KCNT2: variants seen among roughly 807,000 people sequenced by gnomAD.
KCNT2 encodes the protein potassium channel subfamily T member 2.
A neutral mutation model predicts 153.8 loss-of-function variants in KCNT2; 67 were observed. That is an observed-to-expected ratio of 0.44 (90% confidence interval 0.36 to 0.53). KCNT2 has a LOEUF of 0.53. Ranked by LOEUF, KCNT2 falls within the 20% of genes least tolerant of loss-of-function variation. The pLI is 0.00. For missense variants in KCNT2, 975 were observed against 1,354.8 expected, an observed-to-expected ratio of 0.72 and a Z score of 4.40; for synonymous variants, 500 against 458.8, an observed-to-expected ratio of 1.09 and a Z score of -1.15.
At chr1:196,468,674 T>TA (rs1446769134) in intron 6 of KCNT2, among the ~76,000 whole-genome samples, 9 of 151,990 alleles carry the variant, frequency 5.9e-5, no homozygotes, top group East Asian at 5.8e-4. Flanking sequence ...CTTATTTTTT[T>TA]AAAAAAAATC....
At chr1:196,560,842 T>C (rs1385467475) in intron 1 of KCNT2, among the ~76,000 whole-genome samples, 1 of 151,950 alleles carries the variant, frequency 6.6e-6, no homozygotes, top group Non-Finnish European at 1.5e-5. Flanking sequence ...TTATATAAAG[T>C]CCCGTACCTA....
At chr1:196,447,291 T>G (rs1252545429) in intron 8 of KCNT2, among the ~76,000 whole-genome samples, 1 of 151,666 alleles carries the variant, frequency 6.6e-6, no homozygotes, top group African/African-American at 2.4e-5. Context: ...TTTAAGACCC[T>G]GAACTGAGTT....
At chr1:196,266,023 A>C (rs1481493686) in intron 25 of KCNT2, among the ~76,000 whole-genome samples, 1 of 152,186 alleles carries the variant, frequency 6.6e-6, no homozygotes, top group African/African-American at 2.4e-5. Context: ...CCAACAACAA[A>C]AACAAAACTG....
At position 196,427,276 on chromosome 1, in the gene KCNT2, A is replaced by T. The variant is rs1372027313; in HGVS notation, c.984+829T>A. ...TTCTATCATTTAAGAATCAATTATA[A>T]ATTAGGTGTTTTAAAACACAAAAAT... is the stretch of plus-strand genomic sequence containing the variant. On this transcript the variant is annotated intron_variant, in intron 10 of 27. Coordinates refer to ENST00000294725, the MANE Select transcript of KCNT2 (RefSeq NM_198503.5). 2.0e-5 allele frequency among the ~76,000 whole-genome samples: 3 copies of T among 152,078 alleles called. No homozygotes were observed. The East Asian group carries it at 5.8e-4, about 29-fold the overall frequency.
At chr1:196,340,030 T>A (rs1665464279) in intron 16 of KCNT2, among the ~76,000 whole-genome samples, 1 of 152,078 alleles carries the variant, frequency 6.6e-6, no homozygotes. Context: ...ATTGAGGTTT[T>A]TTTGGACACA....
At chr1:196,401,963 G>C (rs1421512693) in intron 12 of KCNT2, among the ~76,000 whole-genome samples, 1 of 151,180 alleles carries the variant, frequency 6.6e-6, no homozygotes, top group Non-Finnish European at 1.5e-5. Context: ...ATATGGCCAA[G>C]GACTCTCATC....
chr1:196,377,709 C>G (rs1181934500), intron 13 of KCNT2, among the ~76,000 whole-genome samples: 1 of 151,828 alleles, frequency 6.6e-6, no homozygotes, highest in South Asian at 2.1e-4. Context: ...TGCTTGTGAT[C>G]AAAAATCTAA....
chr1:196,342,034 C>T (rs750010870), intron 15 of KCNT2, 45 bp downstream of exon 15: 5 of 1,580,686 alleles, frequency 3.2e-6, no homozygotes, highest in Non-Finnish European at 8.6e-7. Flanking sequence ...ACATGATATG[C>T]TTGACTGATT....
At chr1:196,516,101 A>T (rs1461848370) in intron 1 of KCNT2, among the ~76,000 whole-genome samples, 1 of 152,168 alleles carries the variant, frequency 6.6e-6, no homozygotes, top group Admixed American at 6.5e-5. Context: ...GAAAGGAGCT[A>T]AATCCAGGGG....
intron 1 of KCNT2, among the ~76,000 whole-genome samples, chr1:196,554,646 G>A (rs936437325): frequency 6.6e-6 from 1 of 151,172 alleles, no homozygotes; most frequent in South Asian, 2.1e-4. Context: ...TACAAGACCA[G>A]TATTGCCCTG....
At chr1:196,295,948 G>A (rs79955221) in intron 22 of KCNT2, among the ~76,000 whole-genome samples, 3,080 of 151,930 alleles carry the variant, frequency 0.02, 103 homozygotes, top group African/African-American at 0.07. Flanking sequence ...AGATTAACAG[G>A]AGTGCATATG....
intron 26 of KCNT2, among the ~76,000 whole-genome samples, chr1:196,253,787 C>T (rs1327146271): frequency 6.6e-6 from 1 of 151,444 alleles, no homozygotes; most frequent in Non-Finnish European, 1.5e-5. Context: ...TTATACTCAA[C>T]CACTCAACCC....
At chr1:196,483,135 T>C (rs1346041510) in intron 3 of KCNT2, among the ~76,000 whole-genome samples, 1 of 152,168 alleles carries the variant, frequency 6.6e-6, no homozygotes, top group African/African-American at 2.4e-5. Flanking sequence ...GGCAGGTGAA[T>C]GGTAGTTTTT....
Position 196,258,124 on chromosome 1 carries a change from A to T in KCNT2, c.3211+70T>A, listed in dbSNP as rs768994456. On this transcript the variant is annotated intron_variant, in intron 26 of 27. Coordinates refer to ENST00000294725, the MANE Select transcript of KCNT2 (RefSeq NM_198503.5). ...AAAATTCAATTCTTTATTAAATTAGAACCAACTATATTACTACTAATGGCA... is the reference window on the plus strand; with the variant it reads ...AAAATTCAATTCTTTATTAAATTAGTACCAACTATATTACTACTAATGGCA... 4 of 1,524,558 alleles carry T rather than the reference A, an allele frequency of 2.6e-6. No homozygotes were observed. In the South Asian group the frequency reaches 3.9e-5, roughly 15 times the overall value. 94.4% of individuals were successfully genotyped at this position (1,524,558 alleles called of 1,614,324 possible).
intron 1 of KCNT2, among the ~76,000 whole-genome samples, chr1:196,606,629 C>T (rs779765640): frequency 3.9e-5 from 6 of 152,128 alleles, no homozygotes; most frequent in Non-Finnish European, 8.8e-5. Flanking sequence ...AGGGCAACCA[C>T]ATGAAAATTA....
chr1:196,459,140 C>T (rs748199831), intron 8 of KCNT2, among the ~76,000 whole-genome samples: 7 of 151,502 alleles, frequency 4.6e-5, no homozygotes, highest in Non-Finnish European at 4.4e-5. Flanking sequence ...TAAAACCAGT[C>T]TTTCTATTGT....
At chr1:196,516,557 T>A (rs545270237) in intron 1 of KCNT2, among the ~76,000 whole-genome samples, 3 of 152,340 alleles carry the variant, frequency 2.0e-5, no homozygotes, top group African/African-American at 7.2e-5. Context: ...TTCTTGCCTT[T>A]GGGCTTTGGA....
chr1:196,485,809 T>TA (rs755614103), intron 3 of KCNT2, among the ~76,000 whole-genome samples: 34 of 150,514 alleles, frequency 2.3e-4, no homozygotes, highest in Middle Eastern at 3.2e-3. Context: ...GAATTTATCA[T>TA]AAAAAAAAAG....
chr1:196,460,449 T>C (rs1029053270), intron 8 of KCNT2, among the ~76,000 whole-genome samples: 30 of 151,778 alleles, frequency 2.0e-4, no homozygotes, highest in African/African-American at 6.8e-4. Context: ...CAGAATGCTA[T>C]TTTCTATCAA....
Sources: allele counts gnomAD v4.1 joint callset (sites outside exome capture counted in the v4.1 genomes callset), GRCh38; gene constraint gnomAD v4.1.1; transcripts MANE v1.5; gene names NCBI Gene and HGNC (gene_info 2026-07-23, HGNC 2026-07-21).